The following COL11A1 variants were observed in gnomAD, a reference collection of about 807,000 sequenced individuals.
COL11A1 encodes the protein collagen type XI alpha 1 chain, also known as collagen alpha-1(XI) chain.
In COL11A1, 74 loss-of-function variants were observed where a neutral mutation model predicts 265.2. That is an observed-to-expected ratio of 0.28 (90% CI 0.23 to 0.34). COL11A1 has a LOEUF of 0.34. COL11A1 is among the 10% of genes least tolerant of loss of function. COL11A1 has a pLI of 1.00. For synonymous variants in COL11A1, 816 were observed against 727.6 expected (o/e 1.12, Z -1.96); for missense variants, 2,165 against 2,263.6 (o/e 0.96, Z 0.88).
At chr1:102,980,641 T>C (rs1226400182) in intron 31 of COL11A1, among the ~76,000 whole-genome samples, 1 of 6,064 alleles carries the variant, frequency 1.6e-4, no homozygotes, top group Non-Finnish European at 5.7e-3. Flanking sequence ...CTTGTTTGAC[T>C]TGAATACACC....
At position 102,913,821 on chromosome 1, in the gene COL11A1, T is replaced by C. The variant is rs1654988132; in HGVS notation, c.3979-131A>G. 8.2e-6 allele frequency: 7 copies of C among 858,822 alleles called. No individual in the cohort carries two copies. In the East Asian group the frequency reaches 1.7e-4, roughly 21 times the overall value. The allele number at this position is 858,822 out of a possible 1,614,324, so 53.2% of individuals were successfully genotyped here. ...AGATGGACAAGTAAAATCATTATAT[T>C]CTTTTAACCTTTTTTAAAAAGATTG... is the stretch of plus-strand genomic sequence containing the variant. On this transcript the variant is annotated intron_variant, in intron 52 of 66. Transcript: ENST00000370096.
At chr1:102,932,694 C>G (rs964554745) in intron 46 of COL11A1, among the ~76,000 whole-genome samples, 9 of 151,914 alleles carry the variant, frequency 5.9e-5, no homozygotes, top group Non-Finnish European at 8.8e-5. Flanking sequence ...TGTTTTCCAA[C>G]TTGGTTCCAT....
chr1:102,935,079 A>T lies in COL11A1; in HGVS notation c.3473T>A (p.Val1158Asp). 1 of 1,614,096 alleles carries T rather than the reference A, an allele frequency of 6.2e-7. No homozygotes were observed. Among genetic ancestry groups the T allele is most frequent in the East Asian group, 2.2e-5 (1 of 44,872 alleles). The change falls in exon 45 of 67, where the codon GTT becomes GAT. Residue 1158 changes from valine (V) to aspartate (D), a missense_variant. Coordinates refer to ENST00000370096, the MANE Select transcript of COL11A1 (RefSeq NM_001854.4). ...ACTCACAGCAATTCCAGGGGCACCAACTGGTCCTTGAAGACCTGGGGGACC... is the reference window on the plus strand; with the variant it reads ...ACTCACAGCAATTCCAGGGGCACCATCTGGTCCTTGAAGACCTGGGGGACC... ...PPGPPGLQGPVGAPGIAGGDG... is the reference protein window; with the variant it reads ...PPGPPGLQGPDGAPGIAGGDG...
intron 30 of COL11A1, among the ~76,000 whole-genome samples, chr1:102,984,669 C>T (rs1006113568): frequency 6.6e-6 from 1 of 151,982 alleles, no homozygotes; most frequent in African/African-American, 2.4e-5. Flanking sequence ...AGTTACTTAA[C>T]TTTTCTCAAT....
At chr1:102,913,052 A>G (rs1414096605) in intron 53 of COL11A1, among the ~76,000 whole-genome samples, 1 of 152,166 alleles carries the variant, frequency 6.6e-6, no homozygotes, top group Non-Finnish European at 1.5e-5. Context: ...ATGCAGAATA[A>G]GCCTGTATCT....
chr1:103,017,628 A>G (rs558833917), intron 11 of COL11A1, among the ~76,000 whole-genome samples, 192 bp downstream of exon 11: 1 of 152,270 alleles, frequency 6.6e-6, no homozygotes, highest in Admixed American at 6.5e-5. Flanking sequence ...GCCATAGATA[A>G]ATGCACATTG....
chr1:102,939,114 G>A (rs1570796867), intron 43 of COL11A1, 26 bp from the exon 44 acceptor site: 1 of 1,603,240 alleles, frequency 6.2e-7, no homozygotes, highest in Non-Finnish European at 8.5e-7. Context: ...TTGACTTAGA[G>A]TTTATCTCTA....
In COL11A1 at chr1:103,033,957, G is replaced by A. The variant is rs557205018; in HGVS notation, c.652-2713C>T. Reference sequence around the variant, plus strand: ...CTGTTTCCTTTGCATTTGAGAGTCAGTTTTGCTGGCTATAAAATTTTTAGA... The same window carrying A: ...CTGTTTCCTTTGCATTTGAGAGTCAATTTTGCTGGCTATAAAATTTTTAGA... On this transcript the variant is annotated intron_variant, in intron 4 of 66. Transcript: ENST00000370096. Among the ~76,000 whole-genome samples, 44 of 152,132 alleles carry A rather than the reference G, an allele frequency of 2.9e-4. 2 individuals carry two copies. The South Asian group carries it at 8.5e-3, about 29-fold the overall frequency.
intron 41 of COL11A1, among the ~76,000 whole-genome samples, chr1:102,955,824 G>A (rs963652248): frequency 2.6e-5 from 4 of 152,032 alleles, no homozygotes; most frequent in Non-Finnish European, 4.4e-5. Context: ...ATGCTGCACT[G>A]CCTTACTCTC....
At chr1:103,007,837 G>C (rs978935828) in intron 15 of COL11A1, among the ~76,000 whole-genome samples, 3 of 149,304 alleles carry the variant, frequency 2.0e-5, no homozygotes, top group Non-Finnish European at 3.0e-5. Flanking sequence ...ACTCCAGCCT[G>C]GGCAACAGAG....
intron 2 of COL11A1, 64 bp from the exon 3 acceptor site, chr1:103,078,935 C>A: frequency 8.4e-7 from 1 of 1,186,732 alleles, no homozygotes; most frequent in Non-Finnish European, 1.2e-6. Flanking sequence ...ATTCCTAGAT[C>A]ACTGTGGTAT....
At chr1:102,977,066 T>C (rs1276896230) in intron 35 of COL11A1, among the ~76,000 whole-genome samples, 1 of 152,148 alleles carries the variant, frequency 6.6e-6, no homozygotes, top group East Asian at 1.9e-4. Flanking sequence ...GAGAGTCCTT[T>C]GAAATGGGCA....
At chr1:103,014,782 CT>C (rs1306629376) in intron 12 of COL11A1, among the ~76,000 whole-genome samples, 188 bp from the exon 13 acceptor site, 1 of 152,012 alleles carries the variant, frequency 6.6e-6, no homozygotes, top group African/African-American at 2.4e-5. Flanking sequence ...TCTGGAAGTT[CT>C]TTACACTACA....
At chr1:102,957,533 A>G (rs575460135) in intron 41 of COL11A1, among the ~76,000 whole-genome samples, 3 of 152,210 alleles carry the variant, frequency 2.0e-5, no homozygotes, top group African/African-American at 7.2e-5. Context: ...TAAGAGTTCA[A>G]TGGCATTCTG....
chr1:102,902,135 G>A (rs187364666), intron 54 of COL11A1, among the ~76,000 whole-genome samples: 11 of 152,272 alleles, frequency 7.2e-5, no homozygotes, highest in Admixed American at 2.6e-4. Context: ...GATCACTCAC[G>A]TGCATGCTTA....
In COL11A1 at chr1:102,888,936, C is replaced by T. The variant is rs201511614; in HGVS notation, c.4465-17G>A. ...AGGAATTCCCTAGAGAGAGAATCAG[C>T]CAATTTAAAGGGATTTTCTCAGCTA... On this transcript the variant is annotated splice_polypyrimidine_tract_variant and intron_variant, in intron 59 of 66. Coordinates refer to ENST00000370096, the MANE Select transcript of COL11A1 (RefSeq NM_001854.4). 1.9e-4 allele frequency: 300 copies of T among 1,607,634 alleles called. No individual in the cohort carries two copies. The African/African-American group carries it at 3.5e-3, about 19-fold the overall frequency.
chr1:102,915,237 T>C (rs1353507459), intron 50 of COL11A1, among the ~76,000 whole-genome samples: 1 of 152,178 alleles, frequency 6.6e-6, no homozygotes, highest in African/African-American at 2.4e-5. Flanking sequence ...CCAGATATTG[T>C]CAAATATTTC....
Position 102,998,234 on chromosome 1 carries a change from A to G in COL11A1, c.2196+76T>C. 3 of 1,224,956 alleles carry G rather than the reference A, an allele frequency of 2.4e-6. No homozygotes were observed. The South Asian group carries it at 3.7e-5, about 15-fold the overall frequency. 75.9% of individuals were successfully genotyped at this position (1,224,956 alleles called of 1,614,324 possible). A position where few individuals can be genotyped will look rare whatever the true frequency, so the allele number is the denominator to read the frequency against. ...TTTTTATTACTAACCTCATATAATC[A>G]TTTCTAAAACACATGTAAAATCTAT... On this transcript the variant is annotated intron_variant, in intron 25 of 66. Coordinates refer to ENST00000370096, the MANE Select transcript of COL11A1 (RefSeq NM_001854.4).
chr1:103,011,714 A>G (rs1557942835), intron 14 of COL11A1, among the ~76,000 whole-genome samples: 1 of 152,070 alleles, frequency 6.6e-6, no homozygotes, highest in African/African-American at 2.4e-5. Context: ...ATTTATACAA[A>G]AAACAAATAT....
Sources: allele counts gnomAD v4.1 joint callset (sites outside exome capture counted in the v4.1 genomes callset), GRCh38; gene constraint gnomAD v4.1.1; transcripts MANE v1.5; gene names NCBI Gene and HGNC (gene_info 2026-07-23, HGNC 2026-07-21).